SGCZ: variants seen among roughly 807,000 people sequenced by gnomAD.
SGCZ encodes sarcoglycan zeta.
Under a neutral mutation model 41.3 loss-of-function variants are expected in SGCZ, and 40 were observed. The observed-to-expected ratio is 0.97, with a 90% confidence interval of 0.75 to 1.26. The LOEUF (loss-of-function observed/expected upper bound fraction) is 1.26. Ranked by LOEUF, SGCZ falls within the 50% of genes most tolerant of loss-of-function variation. SGCZ has a pLI of 0.00. For synonymous variants in SGCZ, 206 were observed against 137.5 expected (o/e 1.50, Z -3.49); for missense variants, 552 against 369.8 (o/e 1.49, Z -4.04).
chr8:14,784,792 C>T (rs751686685), intron 1 of SGCZ, among the ~76,000 whole-genome samples: 1 of 149,886 alleles, frequency 6.7e-6, no homozygotes, highest in Non-Finnish European at 1.5e-5. Flanking sequence ...ATCCCAGCTA[C>T]TCAGGAGGCT....
At chr8:14,289,740 AG>A (rs767281610) in intron 3 of SGCZ, among the ~76,000 whole-genome samples, 127 of 152,144 alleles carry the variant, frequency 8.3e-4, no homozygotes, top group Admixed American at 3.3e-3. Context: ...AAATGGTGCT[AG>A]GAAAACTGCA....
At chr8:14,205,112 C>T (rs9987243) in intron 4 of SGCZ, among the ~76,000 whole-genome samples, 114,853 of 152,038 alleles carry the variant, frequency 0.76, 44,480 homozygotes, top group African/African-American at 0.92. Flanking sequence ...AAATCCACTT[C>T]TCAAAATACA....
In SGCZ at chr8:14,377,798, C is replaced by T. The variant is rs947546589; in HGVS notation, c.235-53594G>A. Among the ~76,000 whole-genome samples the T allele has an allele frequency of 4.0e-5, 6 of 151,152 alleles. No homozygotes were observed. The East Asian group carries it at 9.8e-4, about 25-fold the overall frequency. ...TGCGGTGTTTGGTTTTTTGTTCTTG[C>T]GATAGTTTACTGAGAATGATGATTA... On this transcript the variant is annotated intron_variant, in intron 2 of 7. Coordinates refer to ENST00000382080, the MANE Select transcript of SGCZ (RefSeq NM_139167.4).
chr8:14,523,507 G>A (rs1332323308), intron 2 of SGCZ, among the ~76,000 whole-genome samples: 3 of 151,944 alleles, frequency 2.0e-5, no homozygotes, highest in African/African-American at 7.2e-5. Context: ...TCCTGGTCGT[G>A]ACGGTTTCTG....
At chr8:14,513,649 A>G (rs1802529493) in intron 2 of SGCZ, among the ~76,000 whole-genome samples, 1 of 152,084 alleles carries the variant, frequency 6.6e-6, no homozygotes, top group Admixed American at 6.6e-5. Flanking sequence ...AACTTGTCCA[A>G]TTAAGGACAC....
intron 1 of SGCZ, among the ~76,000 whole-genome samples, chr8:15,231,882 A>T (rs753641588): frequency 6.6e-6 from 1 of 152,118 alleles, no homozygotes; most frequent in Non-Finnish European, 1.5e-5. Context: ...TTGGCCTTCC[A>T]AAGTGTTGGG....
intron 1 of SGCZ, among the ~76,000 whole-genome samples, chr8:14,977,908 C>A (rs1435720187): frequency 4.0e-5 from 5 of 124,514 alleles, no homozygotes; most frequent in Non-Finnish European, 5.5e-5. Context: ...CACACACACA[C>A]ACATATATAC....
intron 1 of SGCZ, among the ~76,000 whole-genome samples, chr8:14,615,966 C>G (rs1806086599): frequency 6.6e-6 from 1 of 152,034 alleles, no homozygotes; most frequent in South Asian, 2.1e-4. Flanking sequence ...TTAAGTAACT[C>G]ACTAATGGGT....
intron 1 of SGCZ, among the ~76,000 whole-genome samples, chr8:14,679,706 G>C (rs1808383009): frequency 6.6e-6 from 1 of 151,726 alleles, no homozygotes; most frequent in Non-Finnish European, 1.5e-5. Context: ...ATTTAGTGTA[G>C]CCTAAGGTAC....
intron 1 of SGCZ, among the ~76,000 whole-genome samples, chr8:14,893,225 A>G (rs1471149552): frequency 6.6e-6 from 1 of 152,204 alleles, no homozygotes; most frequent in Admixed American, 6.5e-5. Context: ...GAGATGCTAC[A>G]TTGCTCATTT....
At chr8:14,353,563 G>T (rs139872886) in intron 2 of SGCZ, among the ~76,000 whole-genome samples, 93 of 152,182 alleles carry the variant, frequency 6.1e-4, no homozygotes, top group African/African-American at 2.2e-3. Context: ...AGGTACTAAT[G>T]TCCCAATTCA....
intron 1 of SGCZ, among the ~76,000 whole-genome samples, chr8:14,595,062 C>T (rs1805364510): frequency 6.6e-6 from 1 of 151,820 alleles, no homozygotes; most frequent in African/African-American, 2.4e-5. Context: ...AATGGCTTTA[C>T]TTATTTCTAT....
At chr8:14,859,244 G>A (rs1233821890) in intron 1 of SGCZ, among the ~76,000 whole-genome samples, 1 of 152,064 alleles carries the variant, frequency 6.6e-6, no homozygotes, top group Non-Finnish European at 1.5e-5. Flanking sequence ...CTTTATCACT[G>A]CTTTATCAAG....
At chr8:14,283,769 A>G (rs946344838) in intron 3 of SGCZ, among the ~76,000 whole-genome samples, 47 of 152,132 alleles carry the variant, frequency 3.1e-4, no homozygotes, top group Admixed American at 3.9e-4. Flanking sequence ...TATCATAACT[A>G]CTCTACTGCA....
At chr8:14,502,193 A>G (rs1802175223) in intron 2 of SGCZ, among the ~76,000 whole-genome samples, 1 of 152,138 alleles carries the variant, frequency 6.6e-6, no homozygotes, top group African/African-American at 2.4e-5. Flanking sequence ...CTTGTGAAGC[A>G]TCTCAGAAAG....
At chr8:15,032,461 G>A (rs1024902101) in intron 1 of SGCZ, among the ~76,000 whole-genome samples, 1 of 152,034 alleles carries the variant, frequency 6.6e-6, no homozygotes, top group Non-Finnish European at 1.5e-5. Flanking sequence ...CCAACACCAG[G>A]CCCACTCTAG....
At chr8:14,719,246 T>G (rs932927482) in intron 1 of SGCZ, among the ~76,000 whole-genome samples, 1 of 148,384 alleles carries the variant, frequency 6.7e-6, no homozygotes, top group Admixed American at 6.8e-5. Context: ...CTTAATCCAG[T>G]CTATCATGGT....
At chr8:14,969,423 C>A (rs903319099) in intron 1 of SGCZ, among the ~76,000 whole-genome samples, 1 of 151,946 alleles carries the variant, frequency 6.6e-6, no homozygotes, top group Non-Finnish European at 1.5e-5. Flanking sequence ...ATTTGGAAAG[C>A]TTCGACATAT....
chr8:14,464,313 T>A (rs1051425478), intron 2 of SGCZ, among the ~76,000 whole-genome samples: 1 of 151,558 alleles, frequency 6.6e-6, no homozygotes, highest in African/African-American at 2.4e-5. Flanking sequence ...TATAGGTCTA[T>A]TCAAATTTTC....
Sources: allele counts gnomAD v4.1 joint callset (sites outside exome capture counted in the v4.1 genomes callset), GRCh38; gene constraint gnomAD v4.1.1; transcripts MANE v1.5; gene names NCBI Gene and HGNC (gene_info 2026-07-23, HGNC 2026-07-21).